DHRSX: variants seen among roughly 807,000 people sequenced by gnomAD.
The protein encoded by DHRSX is dehydrogenase/reductase X-linked, also known as polyprenol dehydrogenase.
Under a neutral mutation model 34.0 loss-of-function variants are expected in DHRSX, and 31 were observed. That is an observed-to-expected ratio of 0.91 (90% confidence interval 0.69 to 1.23). DHRSX has a LOEUF of 1.23. DHRSX is among the 50% of genes most tolerant of loss of function. The pLI is 0.00. For synonymous variants in DHRSX, 201 were observed against 183.8 expected (o/e 1.09, Z -0.76); for missense variants, 414 against 428.1 (o/e 0.97, Z 0.29).
At chrX:2,224,478 T>C (rs1460285181) in intron 6 of DHRSX, among the ~76,000 whole-genome samples, 2 of 152,166 alleles carry the variant, frequency 1.3e-5, no homozygotes, top group Admixed American at 6.6e-5. Context: ...ACCTGTGCTA[T>C]GTTGAAAATG....
intron 1 of DHRSX, chrX:2,490,125 C>T: frequency 6.2e-7 from 1 of 1,613,946 alleles, no homozygotes; most frequent in African/African-American, 1.3e-5. Flanking sequence ...CTCCACATGT[C>T]GGTGGAGATG....
chrX:2,486,886 G>A (rs1214853882), intron 1 of DHRSX: 1 of 152,252 alleles, frequency 6.6e-6, no homozygotes, highest in Non-Finnish European at 1.5e-5. Context: ...GCAGCCCTGA[G>A]AAGTCAGCAG....
chrX:2,258,605 G>T (rs1391936285), intron 5 of DHRSX, among the ~76,000 whole-genome samples: 1 of 151,224 alleles, frequency 6.6e-6, no homozygotes, highest in East Asian at 2.0e-4. Context: ...ACCTTGATCT[G>T]GGACCTCCAG....
At chrX:2,331,466 A>ATTTTTTTTTTTT in intron 3 of DHRSX, among the ~76,000 whole-genome samples, 1 of 19,958 alleles carries the variant, frequency 5.0e-5, no homozygotes, top group Non-Finnish European at 1.8e-4. Context: ...TTTTTTTTTG[A>ATTTTTTTTTTTT]GACGGAGTTT....
chrX:2,258,231 T>G (rs963343962), intron 5 of DHRSX, among the ~76,000 whole-genome samples: 5 of 146,556 alleles, frequency 3.4e-5, no homozygotes, highest in Non-Finnish European at 6.0e-5. Context: ...TGAGATGGAG[T>G]AAGGCATTGC....
intron 3 of DHRSX, among the ~76,000 whole-genome samples, chrX:2,331,503 C>A (rs111839838): frequency 0.28 from 37,113 of 133,308 alleles, 5,598 homozygotes; most frequent in African/African-American, 0.43. Context: ...GCTGGAGTGC[C>A]ATAGCGCGAT....
intron 3 of DHRSX, among the ~76,000 whole-genome samples, chrX:2,324,806 T>C (rs1294404320): frequency 1.3e-5 from 2 of 149,262 alleles, no homozygotes; most frequent in East Asian, 3.9e-4. Context: ...TCCCGCTCTG[T>C]CGCCCAGGCT....
At chrX:2,497,137 T>C (rs1271336184) in intron 1 of DHRSX, among the ~76,000 whole-genome samples, 1 of 152,198 alleles carries the variant, frequency 6.6e-6, no homozygotes, top group Non-Finnish European at 1.5e-5. Flanking sequence ...GGCTCACCCC[T>C]GTAATCCCAG....
chrX:2,221,256 G>A (rs765422656), intron 6 of DHRSX, 27 bp from the exon 7 acceptor site: 43 of 1,603,684 alleles, frequency 2.7e-5, no homozygotes, highest in Middle Eastern at 3.4e-4. Flanking sequence ...AGAAGGCTAC[G>A]ATGAGTCAAA....
chrX:2,436,638 C>T (rs991017980), intron 1 of DHRSX, among the ~76,000 whole-genome samples: 1 of 151,184 alleles, frequency 6.6e-6, no homozygotes, highest in African/African-American at 2.4e-5. Flanking sequence ...GGACTACAGG[C>T]ACGTGCCAGC....
intron 3 of DHRSX, among the ~76,000 whole-genome samples, chrX:2,384,349 T>G (rs2043246023): frequency 6.6e-6 from 1 of 151,966 alleles, no homozygotes; most frequent in Non-Finnish European, 1.5e-5. Flanking sequence ...AACAAATATA[T>G]TGGTGAGAAC....
intron 3 of DHRSX, among the ~76,000 whole-genome samples, chrX:2,314,230 G>GAGGGAAT (rs1356894793): frequency 2.1e-4 from 3 of 14,074 alleles, no homozygotes; most frequent in Non-Finnish European, 1.7e-4. Flanking sequence ...GGGAAGGAAG[G>GAGGGAAT]GAGGGAGGGA....
At chrX:2,363,685 A>C (rs758190256) in intron 3 of DHRSX, among the ~76,000 whole-genome samples, 1 of 150,626 alleles carries the variant, frequency 6.6e-6, no homozygotes, top group South Asian at 2.1e-4. Context: ...CCATTTTATC[A>C]CCGTTCTATG....
At chrX:2,429,913 G>A (rs1181804109) in intron 1 of DHRSX, among the ~76,000 whole-genome samples, 1 of 152,134 alleles carries the variant, frequency 6.6e-6, no homozygotes. Context: ...GAGAATTCAG[G>A]AAGGTAGTCA....
intron 1 of DHRSX, among the ~76,000 whole-genome samples, chrX:2,498,002 T>C (rs1032960191): frequency 3.3e-5 from 5 of 152,190 alleles, no homozygotes; most frequent in African/African-American, 4.8e-5. Flanking sequence ...GACCCTCTTA[T>C]GGGAATTCTC....
chrX:2,481,335 G>C (rs2044767556), intron 1 of DHRSX, among the ~76,000 whole-genome samples: 2 of 152,134 alleles, frequency 1.3e-5, no homozygotes, highest in African/African-American at 4.8e-5. Context: ...GGGGCTCCAA[G>C]TTTCCAAGGA....
intron 3 of DHRSX, among the ~76,000 whole-genome samples, chrX:2,332,696 C>T (rs942154596): frequency 2.6e-5 from 4 of 152,154 alleles, no homozygotes; most frequent in African/African-American, 9.7e-5. Context: ...AAGATCTTTG[C>T]ATTTTAACCC....
chrX:2,411,941 A>G (rs1269632163), intron 2 of DHRSX, among the ~76,000 whole-genome samples: 2 of 152,178 alleles, frequency 1.3e-5, no homozygotes, highest in African/African-American at 4.8e-5. Flanking sequence ...ACGCTGGCAT[A>G]GGACAGAAGC....
chrX:2,308,320 G>C (rs899556704), intron 3 of DHRSX, among the ~76,000 whole-genome samples: 1 of 152,058 alleles, frequency 6.6e-6, no homozygotes, highest in Non-Finnish European at 1.5e-5. Flanking sequence ...GGTGATGTCT[G>C]TATCTTGATG....
Sources: allele counts gnomAD v4.1 joint callset (sites outside exome capture counted in the v4.1 genomes callset), GRCh38; gene constraint gnomAD v4.1.1; transcripts MANE v1.5; gene names NCBI Gene and HGNC (gene_info 2026-07-23, HGNC 2026-07-21).